LAMA5: variants seen among roughly 807,000 people sequenced by gnomAD.
The protein encoded by LAMA5 is laminin subunit alpha 5, also known as laminin subunit alpha-5.
In LAMA5, 260 loss-of-function variants were observed where a neutral mutation model predicts 433.4. The ratio of observed to expected loss-of-function variants is 0.60; its 90% CI spans 0.54 to 0.66. The LOEUF is 0.66. Among genes scored for constraint, LAMA5 ranks in the 30% least tolerant of loss-of-function variants. The pLI, the probability that LAMA5 is intolerant of heterozygous loss-of-function variation, is 0.00. For missense variants in LAMA5, 5,378 were observed against 5,258.5 expected, an observed-to-expected ratio of 1.02 and a Z score of -0.70; for synonymous variants, 2,620 against 2,226.6, an observed-to-expected ratio of 1.18 and a Z score of -4.97.
chr20:62,313,452 G>T lies in LAMA5; in HGVS notation c.8667C>A (p.Pro2889=). Residue 2889 remains proline (P), a synonymous_variant, in exon 64 of 80, where the codon CCC becomes CCA. Transcript: ENST00000252999. Reference sequence around the variant, plus strand: ...CCCGGTAGCCGGGGAAGCGAAGCAGGGGAGGGGGCTGTGGGCACAGGGCTG... The same window carrying T: ...CCCGGTAGCCGGGGAAGCGAAGCAGTGGAGGGGGCTGTGGGCACAGGGCTG... ...GGYPSTFTPP[P]LLRFPGYRGC... is the part of the protein sequence containing the mutation. The T allele has an allele frequency of 6.2e-7, 1 of 1,606,954 alleles. No individual in the cohort carries two copies. Among genetic ancestry groups the T allele is most frequent in the South Asian group, 1.1e-5 (1 of 89,884 alleles).
In LAMA5 at chr20:62,351,747, G is replaced by T. The variant is rs1458043207; in HGVS notation, c.913C>A (p.His305Asn). Residue 305 changes from histidine to asparagine, a missense_variant, in exon 6 of 80, where the codon CAC becomes AAC. Coordinates refer to ENST00000252999, the MANE Select transcript of LAMA5 (RefSeq NM_005560.6). ...TCTTTGGCATCGCAGGCATCCGCGT[G>T]GCCGTGGCAGACACAGCGGCCTCCG... ...SIGGRCVCHG[H>N]ADACDAKDPT... is the part of the protein sequence containing the mutation. 1 of 1,612,004 alleles carries T rather than the reference G, an allele frequency of 6.2e-7. No homozygotes were observed. Among genetic ancestry groups the T allele is most frequent in the South Asian group, 1.1e-5 (1 of 90,816 alleles).
chr20:62,344,260 C>T (rs1568962056), intron 11 of LAMA5, among the ~76,000 whole-genome samples: 1 of 150,984 alleles, frequency 6.6e-6, no homozygotes, highest in Non-Finnish European at 1.5e-5. Flanking sequence ...ACCCTACCAA[C>T]TAGACTGTGA....
intron 6 of LAMA5, chr20:62,351,373 C>T: frequency 4.2e-6 from 2 of 478,390 alleles, no homozygotes; most frequent in South Asian, 3.0e-5. Context: ...GCTGACTCCC[C>T]TCCACAGGGC....
At position 62,310,931 on chromosome 20, in the gene LAMA5, G is replaced by A; in HGVS notation, c.10252C>T (p.Gln3418Ter). 6.2e-7 allele frequency: 1 copy of A among 1,610,852 alleles called. No individual in the cohort carries two copies. Among genetic ancestry groups the A allele is most frequent in the Admixed American group, 1.7e-5 (1 of 59,886 alleles). Residue 3418 changes from glutamine (Q) to a stop codon, truncating the protein, a stop_gained, in exon 74 of 80, where the codon CAG (glutamine) becomes TAG (stop). Transcript: ENST00000252999. LOFTEE classifies it high-confidence loss of function. ...LGTRLRAQSR[Q>*]RSRPGRWHKV... ...TGCCAGCGGCCAGGCCGGGAGCGCT[G>A]GCGGCTCTGGGCGCGGAGCCGAGTC...
chr20:62,333,034 C>G lies in LAMA5; in HGVS notation c.3282+56G>C, dbSNP rs947231135. On this transcript the variant is annotated intron_variant, in intron 26 of 79. Coordinates refer to ENST00000252999, the MANE Select transcript of LAMA5 (RefSeq NM_005560.6). The stretch of plus-strand genomic sequence containing the variant: ...CCTGCCACCGCCACAGGACCCCCAG[C>G]CCCCAGGCCAAGGTCCTGCAACACC... 56 of 1,421,396 alleles carry G rather than the reference C, an allele frequency of 3.9e-5. No individual in the cohort carries two copies. The African/African-American group carries it at 6.4e-4, about 16-fold the overall frequency. The allele number at this position is 1,421,396 out of a possible 1,614,324, so 88.0% of individuals were successfully genotyped here.
chr20:62,312,857 C>T (rs1986467355), intron 66 of LAMA5, 31 bp downstream of exon 66: 7 of 1,600,330 alleles, frequency 4.4e-6, no homozygotes, highest in Non-Finnish European at 6.0e-6. Context: ...ATCTCCTCTC[C>T]CTGCCACCCT....
At chr20:62,321,601 T>C (rs541749680) in intron 48 of LAMA5, among the ~76,000 whole-genome samples, 7 of 16,008 alleles carry the variant, frequency 4.4e-4, no homozygotes, top group African/African-American at 8.0e-4. Flanking sequence ...CCAGTGGAGG[T>C]GGGGTCAGTG....
At chr20:62,349,592 G>A (rs893010221) in intron 6 of LAMA5, among the ~76,000 whole-genome samples, 26 of 125,424 alleles carry the variant, frequency 2.1e-4, no homozygotes, top group African/African-American at 7.3e-4. Context: ...AGACTGTCAT[G>A]GAATAGAAAA....
At chr20:62,342,345 G>A (rs1298049809) in intron 11 of LAMA5, 1 of 352,660 alleles carries the variant, frequency 2.8e-6, no homozygotes, top group Admixed American at 4.2e-5. Context: ...AATAGCCACA[G>A]AATACATTAA....
intron 2 of LAMA5, among the ~76,000 whole-genome samples, chr20:62,354,658 G>A (rs1023988083): frequency 1.3e-5 from 2 of 152,104 alleles, no homozygotes; most frequent in Non-Finnish European, 1.5e-5. Context: ...GGAGGGGGCG[G>A]TGCCCAAGCA....
chr20:62,352,268 G>A lies in LAMA5; in HGVS notation c.661C>T (p.Arg221Cys), dbSNP rs1419849581. The A allele has an allele frequency of 1.3e-5, 20 of 1,599,728 alleles. No homozygotes were observed. The highest frequency in any genetic ancestry group is 1.7e-5 in the Non-Finnish European group (20 of 1,179,624). Residue 221 changes from arginine (R) to cysteine (C), a missense_variant, in exon 4 of 80, where the codon CGC becomes TGC. Transcript: ENST00000252999. ...DAAICTTEYS[R>C]IVPLENGEIV... ...TCTCCGTTCTCCAGGGGCACGATGCGTGAGTACTCGGTGGTGCAGATGGCC... is the reference window on the plus strand; with the variant it reads ...TCTCCGTTCTCCAGGGGCACGATGCATGAGTACTCGGTGGTGCAGATGGCC...
At chr20:62,337,333 C>T (rs868538426) in intron 16 of LAMA5, among the ~76,000 whole-genome samples, 31 of 152,364 alleles carry the variant, frequency 2.0e-4, no homozygotes, top group Admixed American at 1.6e-3. Context: ...ACATGACACC[C>T]GTACACACAC....
chr20:62,364,754 C>T (rs1252525304), intron 1 of LAMA5, among the ~76,000 whole-genome samples: 1 of 152,244 alleles, frequency 6.6e-6, no homozygotes, highest in Non-Finnish European at 1.5e-5. Flanking sequence ...GCTCCAGCTG[C>T]CCAGCAGGGT....
At chr20:62,355,660 G>A (rs1038921727) in intron 2 of LAMA5, among the ~76,000 whole-genome samples, 12 of 152,082 alleles carry the variant, frequency 7.9e-5, no homozygotes, top group Non-Finnish European at 1.5e-4. Context: ...GTGGGTGGGG[G>A]GCAGGGAGAC....
chr20:62,342,372 C>G, intron 11 of LAMA5: 1 of 303,400 alleles, frequency 3.3e-6, no homozygotes, highest in Non-Finnish European at 6.5e-6. Flanking sequence ...AATTTAAGAT[C>G]TCTGTTGAAA....
intron 2 of LAMA5, among the ~76,000 whole-genome samples, chr20:62,361,554 G>T (rs190443341): frequency 1.3e-5 from 2 of 152,226 alleles, no homozygotes; most frequent in African/African-American, 4.8e-5. Context: ...TCAGACAGGG[G>T]TGAAGACCGA....
chr20:62,313,371 C>G lies in LAMA5; in HGVS notation c.8748G>C (p.Glu2916Asp). 1 of 1,590,872 alleles carries G rather than the reference C, an allele frequency of 6.3e-7. No homozygotes were observed. The highest frequency in any genetic ancestry group is 8.6e-7 in the Non-Finnish European group (1 of 1,169,492). The change falls in exon 64 of 80, where the codon GAG (glutamate) becomes GAC (aspartate). Residue 2916 changes from glutamate (E) to aspartate (D), a missense_variant. Transcript: ENST00000252999. The part of the protein sequence containing the change: ...NEEVVSLYNF[E>D]RTFQLDTAVD... ...CAGCCGTGTCCAGCTGGAAGGTCCT[C>G]TCGAAGTTGTAGAGGCTGACCACCT...
intron 3 of LAMA5, 43 bp from the exon 4 acceptor site, chr20:62,352,403 A>C: frequency 6.6e-7 from 1 of 1,515,912 alleles, no homozygotes; most frequent in Non-Finnish European, 9.0e-7. Context: ...ATCACCAGAA[A>C]AGCCTGGGTC....
intron 51 of LAMA5, 27 bp from the exon 52 acceptor site, chr20:62,319,040 TG>T: frequency 2.0e-6 from 3 of 1,521,400 alleles, no homozygotes. Context: ...CGTCAGAGCC[TG>T]GGGCCGCCCG....
Sources: allele counts gnomAD v4.1 joint callset (sites outside exome capture counted in the v4.1 genomes callset), GRCh38; gene constraint gnomAD v4.1.1; transcripts MANE v1.5; gene names NCBI Gene and HGNC (gene_info 2026-07-23, HGNC 2026-07-21).